Variants in MYOF observed in about 807,000 individuals in gnomAD.
MYOF encodes myoferlin.
Under a neutral mutation model 284.2 loss-of-function variants are expected in MYOF, and 244 were observed. The observed-to-expected ratio is 0.86, with a 90% confidence interval of 0.77 to 0.95. MYOF has a LOEUF of 0.95. Among genes scored for constraint, MYOF ranks in the 40% least tolerant of loss-of-function variants. MYOF has a pLI of 0.00. For missense variants in MYOF, 2,496 were observed against 2,560.6 expected, an observed-to-expected ratio of 0.97 and a Z score of 0.54; for synonymous variants, 904 against 919.7, an observed-to-expected ratio of 0.98 and a Z score of 0.31.
intron 21 of MYOF, among the ~76,000 whole-genome samples, chr10:93,379,117 A>AT (rs1554850120): frequency 6.6e-6 from 1 of 152,094 alleles, no homozygotes; most frequent in Non-Finnish European, 1.5e-5. Flanking sequence ...ATAATCACAG[A>AT]TATCATATGT....
At position 93,426,884 on chromosome 10, in the gene MYOF, C is replaced by CTTTTTT. The variant is rs1169014883; in HGVS notation, c.346-732_346-727dup. ...CGCCTAGGCAAAAGAACGAGACTGT[C>CTTTTTT]TTTTTTTTTTTTTTTTTTTTTGAGA... On this transcript the variant is annotated intron_variant, in intron 4 of 53. Transcript: ENST00000359263. Among the ~76,000 whole-genome samples, 25 of 104,754 alleles carry CTTTTTT rather than the reference C, an allele frequency of 2.4e-4. 1 individual carries two copies. Among genetic ancestry groups the CTTTTTT allele is most frequent in the Non-Finnish European group, 3.9e-4 (21 of 54,114 alleles). 68.7% of individuals were successfully genotyped at this position (104,754 alleles called of 152,430 possible). A position where few individuals can be genotyped will look rare whatever the true frequency, so the allele number is the denominator to read the frequency against.
At chr10:93,309,756 C>A (rs1842301458) in intron 53 of MYOF, among the ~76,000 whole-genome samples, 1 of 152,266 alleles carries the variant, frequency 6.6e-6, no homozygotes, top group South Asian at 2.1e-4. Flanking sequence ...CTGACCGAGA[C>A]CTGAGTGATT....
At chr10:93,372,783 G>T in intron 24 of MYOF, 147 bp downstream of exon 24, 1 of 899,426 alleles carries the variant, frequency 1.1e-6, no homozygotes, top group Non-Finnish European at 1.7e-6. Context: ...CAGAATTATT[G>T]CCCCAGAGAG....
At chr10:93,391,402 G>A (rs891845741) in intron 17 of MYOF, among the ~76,000 whole-genome samples, 3 of 151,634 alleles carry the variant, frequency 2.0e-5, no homozygotes, top group South Asian at 2.1e-4. Context: ...GACCAGCCTG[G>A]CCAACATGGC....
At chr10:93,456,772 G>T in intron 2 of MYOF, 110 bp downstream of exon 2, 2 of 789,254 alleles carry the variant, frequency 2.5e-6, no homozygotes, top group South Asian at 1.7e-5. Flanking sequence ...GGGTGGGGGT[G>T]AAATGTAGAG....
In MYOF at chr10:93,452,170, G is replaced by GA. The variant is rs748943579; in HGVS notation, c.145-30dup. ...TTCACAGAAAGGTTTTGAAAAAAGA[G>GA]AAAAAAAAAGGCTGTTAGAAGGAGC... On this transcript the variant is annotated intron_variant, in intron 2 of 53. Coordinates refer to ENST00000359263, the MANE Select transcript of MYOF (RefSeq NM_013451.4). 1.6e-3 allele frequency: 2,343 copies of GA among 1,432,058 alleles called. 1 individual carries two copies. Among genetic ancestry groups the GA allele is most frequent in the Non-Finnish European group, 1.9e-3 (2,021 of 1,038,910 alleles). The allele number at this position is 1,432,058 out of a possible 1,614,324, so 88.7% of individuals were successfully genotyped here.
At chr10:93,443,464 C>G (rs1436823502) in intron 3 of MYOF, among the ~76,000 whole-genome samples, 3 of 117,924 alleles carry the variant, frequency 2.5e-5, no homozygotes, top group Non-Finnish European at 5.4e-5. Context: ...CTCTCTCTCT[C>G]TCTCTCTCTG....
chr10:93,315,197 A>G (rs1363980614), intron 50 of MYOF, among the ~76,000 whole-genome samples: 2 of 152,196 alleles, frequency 1.3e-5, no homozygotes, highest in African/African-American at 2.4e-5. Flanking sequence ...TGTGCGGGGA[A>G]AAGGGATAAA....
chr10:93,442,673 C>T (rs1283412524), intron 3 of MYOF, among the ~76,000 whole-genome samples: 2 of 152,156 alleles, frequency 1.3e-5, no homozygotes, highest in African/African-American at 4.8e-5. Context: ...GTTTTGCATG[C>T]ACAAGTACAT....
At chr10:93,467,934 T>C (rs534636449) in intron 1 of MYOF, among the ~76,000 whole-genome samples, 2 of 152,340 alleles carry the variant, frequency 1.3e-5, no homozygotes, top group South Asian at 2.1e-4. Context: ...CTTCCAGTGG[T>C]GTGAACTTGG....
chr10:93,331,445 C>T (rs542959631), intron 43 of MYOF, among the ~76,000 whole-genome samples: 144 of 152,236 alleles, frequency 9.5e-4, no homozygotes, highest in Admixed American at 2.0e-3. Flanking sequence ...ACTTTTCCTG[C>T]CACTTAATTA....
At chr10:93,426,947 C>A (rs1471000551) in intron 4 of MYOF, among the ~76,000 whole-genome samples, 1 of 132,452 alleles carries the variant, frequency 7.5e-6, no homozygotes, top group Non-Finnish European at 1.6e-5. Flanking sequence ...GAGTGCAGGG[C>A]GCAATCTCGG....
intron 37 of MYOF, among the ~76,000 whole-genome samples, chr10:93,344,732 A>T (rs1844100241): frequency 7.0e-6 from 1 of 143,828 alleles, no homozygotes; most frequent in African/African-American, 2.8e-5. Flanking sequence ...AAATTAAAAA[A>T]AAAAAAAAAA....
intron 37 of MYOF, among the ~76,000 whole-genome samples, chr10:93,345,010 G>C (rs760994250): frequency 2.6e-5 from 4 of 152,118 alleles, no homozygotes; most frequent in Non-Finnish European, 5.9e-5. Context: ...ACCCTGGGGC[G>C]GGGGTAGGAT....
chr10:93,378,756 A>G (rs773176218), intron 21 of MYOF, among the ~76,000 whole-genome samples: 2 of 141,586 alleles, frequency 1.4e-5, no homozygotes, highest in Non-Finnish European at 3.0e-5. Flanking sequence ...CAATTTGTCC[A>G]GGCTGGAGTG....
intron 50 of MYOF, 79 bp from the exon 51 acceptor site, chr10:93,313,289 A>G (rs787667): frequency 0.54 from 741,352 of 1,369,586 alleles, 207,659 homozygotes; most frequent in East Asian, 0.9. Context: ...GAACGTTCTT[A>G]TCAGGAGAGA....
intron 39 of MYOF, among the ~76,000 whole-genome samples, chr10:93,339,326 T>TA (rs1257237500): frequency 2.0e-5 from 3 of 151,726 alleles, no homozygotes; most frequent in Non-Finnish European, 4.4e-5. Context: ...AGGCTACTTT[T>TA]TATTCATGTT....
At chr10:93,326,138 G>A (rs1843037014) in intron 45 of MYOF, among the ~76,000 whole-genome samples, 173 bp from the exon 46 acceptor site, 1 of 152,214 alleles carries the variant, frequency 6.6e-6, no homozygotes, top group Non-Finnish European at 1.5e-5. Flanking sequence ...TTCTGACCAG[G>A]AGCCCTGTCC....
In MYOF at chr10:93,383,084, C is replaced by T. The variant is rs532969117; in HGVS notation, c.1699-1688G>A. Reference sequence around the variant, plus strand: ...CTAATTTTTGTATTTTTAGTAGACACGGGGTTTTACCATAGTTGGCCAGGC... The same window carrying T: ...CTAATTTTTGTATTTTTAGTAGACATGGGGTTTTACCATAGTTGGCCAGGC... On this transcript the variant is annotated intron_variant, in intron 19 of 53. Transcript: ENST00000359263. Among the ~76,000 whole-genome samples the T allele has an allele frequency of 3.9e-5, 6 of 152,000 alleles. No homozygotes were observed. In the East Asian group the frequency reaches 5.8e-4, roughly 15 times the overall value.
Sources: allele counts gnomAD v4.1 joint callset (sites outside exome capture counted in the v4.1 genomes callset), GRCh38; gene constraint gnomAD v4.1.1; transcripts MANE v1.5; gene names NCBI Gene and HGNC (gene_info 2026-07-23, HGNC 2026-07-21).